EIF3I: variants seen among roughly 807,000 people sequenced by gnomAD.
The protein encoded by EIF3I is TGF-beta receptor-interacting protein 1.
In EIF3I, 20 loss-of-function variants were observed where a neutral mutation model predicts 43.3. The observed-to-expected ratio is 0.46, with a 90% CI of 0.32 to 0.67. EIF3I has a LOEUF of 0.67. Among genes scored for constraint, EIF3I ranks in the 30% least tolerant of loss-of-function variants. The pLI, the probability that EIF3I is intolerant of heterozygous loss-of-function variation, is 0.03. For missense variants in EIF3I, 279 were observed against 421.4 expected, an observed-to-expected ratio of 0.66 and a Z score of 2.96; for synonymous variants, 167 against 151.7, an observed-to-expected ratio of 1.10 and a Z score of -0.74.
At chr1:32,230,533 T>A (rs149279059) in intron 10 of EIF3I, among the ~76,000 whole-genome samples, 7 of 152,308 alleles carry the variant, frequency 4.6e-5, no homozygotes, top group African/African-American at 1.7e-4. Flanking sequence ...TCTGCTTTAT[T>A]TTTTGTGATA....
Position 32,222,525 on chromosome 1 carries a change from C to A in EIF3I, c.4-13C>A, listed in dbSNP as rs778133280. 2 of 1,614,126 alleles carry A rather than the reference C, an allele frequency of 1.2e-6. No individual in the cohort carries two copies. The highest frequency in any genetic ancestry group is 2.7e-5 in the African/African-American group (2 of 75,046). ...CAATTCCGAGCACTGACGTTACTGT[C>A]TTGTCCCCACAGAAGCCGATCCTAC... On this transcript the variant is annotated splice_polypyrimidine_tract_variant and intron_variant, in intron 1 of 11. Coordinates refer to ENST00000676679, the Ensembl canonical transcript of EIF3I.
chr1:32,228,933 A>G, intron 8 of EIF3I, 117 bp downstream of exon 8: 1 of 1,098,574 alleles, frequency 9.1e-7, no homozygotes, highest in East Asian at 2.4e-5. Context: ...CAGAGAGGAG[A>G]TGCCCAGAGG....
chr1:32,229,559 T>C (rs1185787489), intron 9 of EIF3I, among the ~76,000 whole-genome samples: 5 of 148,414 alleles, frequency 3.4e-5, no homozygotes, highest in African/African-American at 7.5e-5. Context: ...TTTTTTTTTT[T>C]TTTTTTTTTG....
At chr1:32,230,292 G>A (rs1639216027) in exon 10 of EIF3I, among the ~76,000 whole-genome samples, 1 of 152,084 alleles carries the variant, frequency 6.6e-6, no homozygotes, top group Admixed American at 6.5e-5. Context: ...CCAGGCTGGA[G>A]TGCAGTGGCA....
At chr1:32,229,570 A>ATTT (rs1639202737) in intron 9 of EIF3I, among the ~76,000 whole-genome samples, 1 of 104,604 alleles carries the variant, frequency 9.6e-6, no homozygotes, top group African/African-American at 3.8e-5. Context: ...TTTTTTTTTG[A>ATTT]CACGGAGTCT....
intron 2 of EIF3I, among the ~76,000 whole-genome samples, chr1:32,223,304 G>A (rs1369829196): frequency 1.3e-5 from 2 of 152,008 alleles, no homozygotes; most frequent in Non-Finnish European, 2.9e-5. Flanking sequence ...TTTTTCTTGA[G>A]ACGGAGTCTC....
intron 6 of EIF3I, 69 bp from the exon 7 acceptor site, chr1:32,228,430 T>C (rs1639183294): frequency 7.4e-7 from 1 of 1,344,432 alleles, no homozygotes; most frequent in Non-Finnish European, 1.1e-6. Context: ...ATTTGGGTGC[T>C]TGGGTTTCTG....
In EIF3I at chr1:32,226,627, C is replaced by T. The variant is rs560302219; in HGVS notation, c.528+97C>T. ...TGTTGCCCAGGCTGGAGTGCAGTGGCGCCATCTCGGCTCACTGCGACCTCC... is the reference window on the plus strand; with the variant it reads ...TGTTGCCCAGGCTGGAGTGCAGTGGTGCCATCTCGGCTCACTGCGACCTCC... On this transcript the variant is annotated intron_variant, in intron 6 of 11. Transcript: ENST00000676679. 1.4e-3 allele frequency: 1,771 copies of T among 1,259,246 alleles called. 2 individuals are homozygous for T. Among genetic ancestry groups the T allele is most frequent in the Non-Finnish European group, 1.6e-3 (1,605 of 984,728 alleles). 78.0% of individuals were successfully genotyped at this position (1,259,246 alleles called of 1,614,324 possible).
chr1:32,227,352 C>A (rs1639164311), intron 6 of EIF3I, among the ~76,000 whole-genome samples: 1 of 151,272 alleles, frequency 6.6e-6, no homozygotes, highest in Non-Finnish European at 1.5e-5. Context: ...GTAGATTTCA[C>A]CACTTTCTAG....
intron 6 of EIF3I, 32 bp downstream of exon 6, chr1:32,226,562 G>A: frequency 7.1e-7 from 1 of 1,413,972 alleles, no homozygotes. Flanking sequence ...GAGCCTACCA[G>A]AATAATTTTT....
intron 10 of EIF3I, 37 bp from the exon 10 acceptor site, chr1:32,230,890 G>T: frequency 6.7e-7 from 1 of 1,502,250 alleles, no homozygotes; most frequent in Non-Finnish European, 9.1e-7. Flanking sequence ...TTTGGAAGAA[G>T]ATAGAAAGTG....
chr1:32,224,510 TGAG>T, intron 4 of EIF3I, 35 bp downstream of exon 4: 1 of 1,543,204 alleles, frequency 6.5e-7, no homozygotes, highest in Non-Finnish European at 9.0e-7. Context: ...TAGCAAATAT[TGAG>T]GACCTACAGT....
At chr1:32,226,245 A>G (rs1203124603) in exon 5 of EIF3I, 1 of 1,613,912 alleles carries the variant, frequency 6.2e-7, no homozygotes, top group African/African-American at 1.3e-5. Context: ...CAACATCATC[A>G]TGTTCTCCAC....
chr1:32,228,599 A>G (rs1402519965), exon 7 of EIF3I: 1 of 1,614,224 alleles, frequency 6.2e-7, no homozygotes, highest in Admixed American at 1.7e-5. Context: ...TCCAAGGACA[A>G]CACAGCCAAG....
In EIF3I at chr1:32,228,710, CT is replaced by C. The variant is rs754271660; in HGVS notation, c.640-16del. 54 of 1,611,640 alleles carry C rather than the reference CT, an allele frequency of 3.4e-5. No individual in the cohort carries two copies. Among genetic ancestry groups the C allele is most frequent in the Non-Finnish European group, 4.4e-5 (52 of 1,177,832 alleles). ...GGAAAGCTCTTTACAGATTTCCCCC[CT>C]GCCTTCTCTCTCCAGCTTTTTGACT... On this transcript the variant is annotated splice_polypyrimidine_tract_variant and intron_variant, in intron 7 of 11. Coordinates refer to ENST00000676679, the Ensembl canonical transcript of EIF3I.
downstream of EIF3I, chr1:32,234,526 A>G (rs1381460206): frequency 6.5e-6 from 1 of 152,808 alleles, no homozygotes; most frequent in Non-Finnish European, 1.5e-5. Context: ...CAGCTGCCAC[A>G]CGCAGTCCAG....
Position 32,224,955 on chromosome 1 carries a change from TC to T in EIF3I, c.250+483del, listed in dbSNP as rs1212670778. Among the ~76,000 whole-genome samples, 4 of 152,258 alleles carry T rather than the reference TC, an allele frequency of 2.6e-5. No individual in the cohort carries two copies. The South Asian group carries it at 8.3e-4, about 32-fold the overall frequency. On this transcript the variant is annotated intron_variant, in intron 4 of 11. Transcript: ENST00000676679. ...TTCAAGTGATTCTCCTGCCTCAGCC[TC>T]CCAAATAGCTGGGATTACAGACATG...
intron 6 of EIF3I, among the ~76,000 whole-genome samples, chr1:32,227,350 C>T (rs1297750271): frequency 6.7e-6 from 1 of 149,490 alleles, no homozygotes; most frequent in Non-Finnish European, 1.5e-5. Flanking sequence ...ATGTAGATTT[C>T]ACCACTTTCT....
chr1:32,223,138 CT>C, intron 2 of EIF3I, among the ~76,000 whole-genome samples: 1 of 152,288 alleles, frequency 6.6e-6, no homozygotes, highest in East Asian at 1.9e-4. Flanking sequence ...ATAATCTAAT[CT>C]TTCTACCAGG....
Sources: allele counts gnomAD v4.1 joint callset (sites outside exome capture counted in the v4.1 genomes callset), GRCh38; gene constraint gnomAD v4.1.1; transcripts MANE v1.5; gene names NCBI Gene and HGNC (gene_info 2026-07-23, HGNC 2026-07-21).